ITIH5: variants seen among roughly 807,000 people sequenced by gnomAD.
The protein encoded by ITIH5 is inter-alpha-trypsin inhibitor heavy chain H5.
Under a neutral mutation model 77.5 loss-of-function variants are expected in ITIH5, and 65 were observed. The observed-to-expected ratio is 0.84, with a 90% CI of 0.69 to 1.03. The LOEUF is 1.03. ITIH5 is among the 50% of genes least tolerant of loss of function. ITIH5 has a pLI of 0.00. For synonymous variants in ITIH5, 525 were observed against 494.3 expected (o/e 1.06, Z -0.82); for missense variants, 1,208 against 1,213.1 (o/e 1.00, Z 0.06).
At chr10:7,617,081 C>T (rs1191393320) in intron 6 of ITIH5, 32 bp downstream of exon 6, 8 of 1,449,964 alleles carry the variant, frequency 5.5e-6, no homozygotes, top group Middle Eastern at 1.8e-4. Context: ...TACCAACCAA[C>T]CAACATGAAA....
intron 2 of ITIH5, among the ~76,000 whole-genome samples, chr10:7,647,351 G>A (rs1028784829): frequency 6.6e-6 from 1 of 152,160 alleles, no homozygotes; most frequent in Admixed American, 6.5e-5. Flanking sequence ...ATTCAGCTGA[G>A]CCCAGCTGCT....
At chr10:7,586,442 T>C (rs180879037) in intron 7 of ITIH5, among the ~76,000 whole-genome samples, 11 of 152,318 alleles carry the variant, frequency 7.2e-5, no homozygotes, top group African/African-American at 2.6e-4. Flanking sequence ...AAATTCTCTG[T>C]TGGAAATTTT....
rs539600520 is a variant in ITIH5 at position 7,586,150 on chromosome 10, C to A, written c.940-81G>T. 1.8e-4 allele frequency: 223 copies of A among 1,271,788 alleles called. 1 individual carries two copies. The East Asian group carries it at 4.1e-3, about 24-fold the overall frequency. The allele number at this position is 1,271,788 out of a possible 1,614,324, so 78.8% of individuals were successfully genotyped here. ...CCCTGTTCTAGAAACCGCCCCCGCCCCCCAGGAAAAATGTCAGGGTTCAAA... is the reference window on the plus strand; with the variant it reads ...CCCTGTTCTAGAAACCGCCCCCGCCACCCAGGAAAAATGTCAGGGTTCAAA... On this transcript the variant is annotated intron_variant, in intron 7 of 13. Coordinates refer to ENST00000397146, the MANE Select transcript of ITIH5 (RefSeq NM_030569.7).
At chr10:7,605,611 G>A (rs1564256533) in intron 7 of ITIH5, among the ~76,000 whole-genome samples, 1 of 151,914 alleles carries the variant, frequency 6.6e-6, no homozygotes, top group Non-Finnish European at 1.5e-5. Flanking sequence ...GTCAAAGTGG[G>A]AAGCTGAGTG....
At chr10:7,613,245 CAAAAAAAAAAAAA>C (rs58021308) in intron 7 of ITIH5, among the ~76,000 whole-genome samples, 3,880 of 143,504 alleles carry the variant, frequency 0.027, 66 homozygotes, top group Non-Finnish European at 0.04. Context: ...GACTTCGTCT[CAAAAAAAAAAAAA>C]AAAAAAAAAA....
chr10:7,591,947 T>A (rs1324363636), intron 7 of ITIH5, among the ~76,000 whole-genome samples: 1 of 152,204 alleles, frequency 6.6e-6, no homozygotes, highest in Non-Finnish European at 1.5e-5. Context: ...CTTGGCTCAC[T>A]GCAACCTCCG....
intron 11 of ITIH5, 87 bp from the exon 12 acceptor site, chr10:7,569,871 G>T: frequency 1.5e-6 from 1 of 666,532 alleles, no homozygotes. Flanking sequence ...ATTTTCTCAT[G>T]AATTATTTTA....
In ITIH5 at chr10:7,640,819, T is replaced by C. The variant is rs1588420991; in HGVS notation, c.336A>G (p.Thr112=). The part of the protein sequence containing the change: ...IGDKVYQGEI[T]EREKKSGDRV... ...TATCACCACTCTTCTTTTCTCTCTC[T>C]GTAATTTCGCCCTGATACACCTTGT... Residue 112 remains threonine (T), a synonymous_variant, in exon 4 of 14, where the codon ACA becomes ACG. Coordinates refer to ENST00000397146, the MANE Select transcript of ITIH5 (RefSeq NM_030569.7). The C allele has an allele frequency of 6.2e-7, 1 of 1,613,440 alleles. No individual in the cohort carries two copies. The highest frequency in any genetic ancestry group is 8.5e-7 in the Non-Finnish European group (1 of 1,179,356).
intron 7 of ITIH5, among the ~76,000 whole-genome samples, chr10:7,596,390 G>A (rs1832897616): frequency 6.6e-6 from 1 of 152,224 alleles, no homozygotes; most frequent in South Asian, 2.1e-4. Flanking sequence ...GCCCACGGAA[G>A]AGCCAGCTGC....
chr10:7,576,724 G>A lies in ITIH5; in HGVS notation c.1707C>T (p.Asp569=). 2.5e-6 allele frequency: 4 copies of A among 1,613,916 alleles called. No homozygotes were observed. The African/African-American group carries it at 4.0e-5, about 16-fold the overall frequency. Residue 569 remains aspartate, a synonymous_variant, in exon 10 of 14, where the codon GAC becomes GAT. Coordinates refer to ENST00000397146, the MANE Select transcript of ITIH5 (RefSeq NM_030569.7). ...SPRPGGDGEG[D]TNHIERLWSY... is the part of the protein sequence containing the mutation. ...TCCAGAGACGCTCGATGTGGTTGGT[G>A]TCCCCCTCTCCATCGCCTCCAGGCC...
intron 7 of ITIH5, among the ~76,000 whole-genome samples, chr10:7,593,152 T>C (rs1473273317): frequency 6.6e-6 from 1 of 152,100 alleles, no homozygotes; most frequent in Non-Finnish European, 1.5e-5. Context: ...TCAATCTCTC[T>C]ACCCTCCTTC....
At chr10:7,602,699 A>G (rs1833039392) in intron 7 of ITIH5, among the ~76,000 whole-genome samples, 1 of 152,224 alleles carries the variant, frequency 6.6e-6, no homozygotes, top group Non-Finnish European at 1.5e-5. Context: ...TCTTCATAGC[A>G]GTGTGAGAAC....
At chr10:7,639,053 T>A (rs1227212614) in intron 4 of ITIH5, among the ~76,000 whole-genome samples, 2 of 152,218 alleles carry the variant, frequency 1.3e-5, no homozygotes, top group Non-Finnish European at 2.9e-5. Flanking sequence ...ATGTCATGAT[T>A]CAACTAAACT....
At chr10:7,569,547 G>C in intron 12 of ITIH5, 121 bp downstream of exon 12, 1 of 601,720 alleles carries the variant, frequency 1.7e-6, no homozygotes, top group Non-Finnish European at 2.9e-6. Context: ...AACCACTGAC[G>C]ATACTCACTG....
chr10:7,643,061 T>C (rs764995077), intron 2 of ITIH5, among the ~76,000 whole-genome samples: 3 of 152,126 alleles, frequency 2.0e-5, no homozygotes, highest in Non-Finnish European at 4.4e-5. Flanking sequence ...GGGGTCTCTA[T>C]GATGGGATTA....
chr10:7,644,780 A>ACATATATAT (rs1235919541), intron 2 of ITIH5, among the ~76,000 whole-genome samples: 2 of 139,562 alleles, frequency 1.4e-5, no homozygotes, highest in Non-Finnish European at 1.5e-5. Flanking sequence ...CATATATATC[A>ACATATATAT]CATATATATC....
intron 3 of ITIH5, among the ~76,000 whole-genome samples, chr10:7,641,713 G>C: frequency 7.0e-6 from 1 of 143,638 alleles, no homozygotes; most frequent in South Asian, 2.4e-4. Context: ...AGGGAGAGAG[G>C]GAGGGAAGGA....
At chr10:7,607,373 G>A (rs190361152) in intron 7 of ITIH5, among the ~76,000 whole-genome samples, 100 of 152,338 alleles carry the variant, frequency 6.6e-4, no homozygotes, top group Non-Finnish European at 1.2e-3. Context: ...GGGGCCGGGC[G>A]TGGTGGCTCA....
At position 7,628,819 on chromosome 10, in the gene ITIH5, A is replaced by C. The variant is rs1315896674; in HGVS notation, c.652+8409T>G. On this transcript the variant is annotated intron_variant, in intron 5 of 13. Transcript: ENST00000397146. The stretch of plus-strand genomic sequence containing the variant: ...TGTATCTGTGTTTTTGCATGTGTCC[A>C]TGTTGTAGCGTGTGTCCCTGTTGTA... Among the ~76,000 whole-genome samples the C allele has an allele frequency of 1.2e-3, 125 of 106,354 alleles. 10 individuals are homozygous for C. Among genetic ancestry groups the C allele is most frequent in the Middle Eastern group, 6.0e-3 (1 of 168 alleles). 69.8% of individuals were successfully genotyped at this position (106,354 alleles called of 152,430 possible). A position where few individuals can be genotyped will look rare whatever the true frequency, so the allele number is the denominator to read the frequency against.
Sources: allele counts gnomAD v4.1 joint callset (sites outside exome capture counted in the v4.1 genomes callset), GRCh38; gene constraint gnomAD v4.1.1; transcripts MANE v1.5; gene names NCBI Gene and HGNC (gene_info 2026-07-23, HGNC 2026-07-21).